The following UBE2D3 variants were observed in gnomAD, a reference collection of about 807,000 sequenced individuals.
UBE2D3 encodes the protein ubiquitin-conjugating enzyme E2 D3.
UBE2D3 carries 2 observed loss-of-function variants against 22.8 expected under a neutral mutation model. The ratio of observed to expected loss-of-function variants is 0.09; its 90% CI spans 0.04 to 0.28. The LOEUF is 0.28. Among genes scored for constraint, UBE2D3 ranks in the 10% least tolerant of loss-of-function variants. The pLI, the probability that UBE2D3 is intolerant of heterozygous loss-of-function variation, is 1.00. For synonymous variants in UBE2D3, 56 were observed against 60.4 expected, an observed-to-expected ratio of 0.93 and a Z score of 0.34; for missense variants, 27 against 182.5, an observed-to-expected ratio of 0.15 and a Z score of 4.91.
intron 2 of UBE2D3, among the ~76,000 whole-genome samples, chr4:102,820,351 A>G (rs1729405389): frequency 6.6e-6 from 1 of 152,234 alleles, no homozygotes; most frequent in Non-Finnish European, 1.5e-5. Flanking sequence ...GCAAAAAGAT[A>G]TGAACAATTT....
At chr4:102,799,834 G>A (rs1332691508) in intron 6 of UBE2D3, among the ~76,000 whole-genome samples, 1 of 49,396 alleles carries the variant, frequency 2.0e-5, no homozygotes, top group African/African-American at 1.1e-4. Flanking sequence ...TCAGTGGCTG[G>A]GGGGGGGGGG....
intron 1 of UBE2D3, among the ~76,000 whole-genome samples, chr4:102,865,912 A>T (rs1254916723): frequency 6.6e-6 from 1 of 152,200 alleles, no homozygotes; most frequent in Non-Finnish European, 1.5e-5. Flanking sequence ...TTTTCTGACC[A>T]CAGTTTCTTT....
chr4:102,799,832 TGGG>T (rs36031423), intron 6 of UBE2D3, among the ~76,000 whole-genome samples: 10 of 117,768 alleles, frequency 8.5e-5, no homozygotes, highest in East Asian at 2.8e-4. Flanking sequence ...ACTCAGTGGC[TGGG>T]GGGGGGGGGA....
chr4:102,818,734 G>C (rs1729118557), intron 2 of UBE2D3, among the ~76,000 whole-genome samples: 2 of 151,624 alleles, frequency 1.3e-5, no homozygotes, highest in African/African-American at 4.9e-5. Flanking sequence ...GATTTAAGCA[G>C]TAATGGGTTT....
At chr4:102,826,709 G>C in intron 1 of UBE2D3, 73 bp from the exon 2 acceptor site, 3 of 1,439,608 alleles carry the variant, frequency 2.1e-6, no homozygotes, top group South Asian at 1.5e-5. Flanking sequence ...GGTCCCTTAA[G>C]ACAGCCGCGA....
chr4:102,826,765 T>C (rs961030134), intron 1 of UBE2D3, 129 bp from the exon 2 acceptor site: 5 of 1,308,480 alleles, frequency 3.8e-6, no homozygotes, highest in Middle Eastern at 2.9e-4. Flanking sequence ...ACAGCCTCTG[T>C]ACCGTGCTTT....
upstream of UBE2D3, among the ~76,000 whole-genome samples, chr4:102,830,027 G>A (rs576677118): frequency 6.6e-6 from 1 of 152,346 alleles, no homozygotes; most frequent in East Asian, 1.9e-4. Context: ...TTGTTAGGCA[G>A]TGAAGTAAAT....
rs370122747 is a variant in UBE2D3, at chr4:102,824,066, T to C, written c.24+2419A>G. Reference sequence around the variant, plus strand: ...CACTAAAATTGTTGGATGTGGAATGTTTGAAAGTTGCCTCATGTGATTTTA... The same window carrying C: ...CACTAAAATTGTTGGATGTGGAATGCTTGAAAGTTGCCTCATGTGATTTTA... On this transcript the variant is annotated intron_variant, in intron 2 of 7. Coordinates refer to ENST00000453744, the MANE Select transcript of UBE2D3 (RefSeq NM_181891.3). Among the ~76,000 whole-genome samples, 9 of 152,298 alleles carry C rather than the reference T, an allele frequency of 5.9e-5. No individual in the cohort carries two copies. The East Asian group carries it at 1.2e-3, about 20-fold the overall frequency.
intron 2 of UBE2D3, among the ~76,000 whole-genome samples, chr4:102,819,186 C>T (rs1311807154): frequency 2.0e-5 from 3 of 151,896 alleles, no homozygotes; most frequent in Non-Finnish European, 4.4e-5. Context: ...AAAAATTAGC[C>T]GGGCATGATG....
chr4:102,851,956 C>T (rs112997985), intron 1 of UBE2D3, among the ~76,000 whole-genome samples: 1,813 of 152,220 alleles, frequency 0.012, 20 homozygotes, highest in African/African-American at 0.036. Context: ...AGGCGTGAGC[C>T]ACCGTGCCCG....
intron 1 of UBE2D3, among the ~76,000 whole-genome samples, chr4:102,847,886 T>C (rs1732119982): frequency 6.6e-6 from 1 of 151,934 alleles, no homozygotes; most frequent in East Asian, 1.9e-4. Flanking sequence ...CTTCAAGAGA[T>C]CCTCCCACCG....
intron 1 of UBE2D3, chr4:102,826,878 A>T: frequency 2.9e-6 from 3 of 1,051,268 alleles, no homozygotes; most frequent in Non-Finnish European, 3.4e-6. Flanking sequence ...GGAGAGGAAG[A>T]GGCGTAGGAG....
intron 7 of UBE2D3, among the ~76,000 whole-genome samples, chr4:102,798,243 TACA>T (rs1489617662): frequency 1.7e-5 from 2 of 119,496 alleles, no homozygotes; most frequent in East Asian, 2.3e-4. Context: ...ATAGACTACT[TACA>T]ACAACAAAAA....
chr4:102,834,925 T>C (rs1213998230), intron 1 of UBE2D3, among the ~76,000 whole-genome samples: 3 of 152,002 alleles, frequency 2.0e-5, no homozygotes, highest in Non-Finnish European at 4.4e-5. Context: ...ACTACAGGCA[T>C]ATGCCACTAG....
At chr4:102,855,060 TC>T (rs1323705818) in intron 1 of UBE2D3, among the ~76,000 whole-genome samples, 2 of 152,182 alleles carry the variant, frequency 1.3e-5, no homozygotes, top group Non-Finnish European at 2.9e-5. Flanking sequence ...CTCCACTCCT[TC>T]CCTGCTGCCA....
chr4:102,849,097 G>A (rs1190957475), intron 1 of UBE2D3, among the ~76,000 whole-genome samples: 3 of 151,914 alleles, frequency 2.0e-5, no homozygotes, highest in Non-Finnish European at 2.9e-5. Flanking sequence ...GCTTGGCATG[G>A]TGGCTCATGC....
intron 2 of UBE2D3, chr4:102,812,495 A>C (rs898247176): frequency 6.6e-6 from 1 of 152,226 alleles, no homozygotes; most frequent in African/African-American, 2.4e-5. Flanking sequence ...AACAAAAAAC[A>C]ACCCAGCTTC....
chr4:102,845,520 C>T (rs906695750), intron 1 of UBE2D3, among the ~76,000 whole-genome samples: 3 of 152,144 alleles, frequency 2.0e-5, no homozygotes, highest in South Asian at 2.1e-4. Flanking sequence ...TTGCCCCTTT[C>T]GTCAAAGGAT....
intron 4 of UBE2D3, among the ~76,000 whole-genome samples, chr4:102,804,716 C>A (rs1399037656): frequency 1.3e-5 from 2 of 152,130 alleles, no homozygotes; most frequent in Admixed American, 6.5e-5. Flanking sequence ...CTCTGTCGCC[C>A]AGACTGGAGT....
Sources: gnomAD v4.1 joint callset for allele counts (sites outside exome capture counted in the v4.1 genomes callset) on GRCh38, gnomAD v4.1.1 for gene constraint, MANE v1.5 for transcripts, NCBI Gene and HGNC (gene_info 2026-07-23, HGNC 2026-07-21) for gene names.